The following JPH1 variants were observed in gnomAD, a reference collection of about 807,000 sequenced individuals.
JPH1 encodes junctophilin-1.
JPH1 carries 12 observed loss-of-function variants against 53.6 expected under a neutral mutation model. That is an observed-to-expected ratio of 0.22 (90% CI 0.14 to 0.36). The LOEUF (loss-of-function observed/expected upper bound fraction) is 0.36, where lower values mean the gene tolerates loss of function less well. JPH1 is among the 10% of genes least tolerant of loss of function. The pLI, the probability that JPH1 is intolerant of heterozygous loss-of-function variation, is 1.00. For synonymous variants in JPH1, 375 were observed against 363.8 expected, an observed-to-expected ratio of 1.03 and a Z score of -0.35; for missense variants, 808 against 905.5, an observed-to-expected ratio of 0.89 and a Z score of 1.38.
At chr8:74,317,158 G>A (rs1808184952) in intron 1 of JPH1, among the ~76,000 whole-genome samples, 1 of 152,176 alleles carries the variant, frequency 6.6e-6, no homozygotes, top group South Asian at 2.1e-4. Context: ...ACAATGGCTG[G>A]TTATTTCATT....
intron 2 of JPH1, among the ~76,000 whole-genome samples, chr8:74,263,160 T>C (rs1806440771): frequency 6.6e-6 from 1 of 152,218 alleles, no homozygotes; most frequent in Non-Finnish European, 1.5e-5. Context: ...CTCCTTTCAA[T>C]CTCTTATACA....
Position 74,321,074 on chromosome 8 carries a change from G to C in JPH1, c.214C>G (p.Leu72Val). 1 of 1,613,426 alleles carries C rather than the reference G, an allele frequency of 6.2e-7. No individual in the cohort carries two copies. The highest frequency in any genetic ancestry group is 8.5e-7 in the Non-Finnish European group (1 of 1,179,688). The part of the protein sequence containing the change: ...GYWAQGKRHG[L>V]GVETKGKWMY... ...CACTTGCCCTTCGTCTCCACCCCCA[G>C]CCCGTGCCGCTTGCCCTGCGCCCAG... The change falls in exon 1 of 6, where the codon CTG becomes GTG. Residue 72 changes from leucine (L) to valine (V), a missense_variant. Leu to Val is a conservative substitution (Grantham distance 32, BLOSUM62 1). This residue lies in a region of JPH1 where 756 missense variants were observed against 811.9 expected (regional missense o/e 0.93). Coordinates refer to ENST00000342232, the MANE Select transcript of JPH1 (RefSeq NM_020647.4). The surrounding 1 kb of genome is among the most constrained non-coding windows in gnomAD (Gnocchi z 4.3).
Position 74,235,210 on chromosome 8 carries a change from G to A in JPH1, c.*1841C>T, listed in dbSNP as rs764533216. The A allele has an allele frequency of 5.2e-5, 8 of 152,542 alleles. No individual in the cohort carries two copies. The highest frequency in any genetic ancestry group is 1.7e-4 in the African/African-American group (7 of 41,426). The allele number at this position is 152,542 out of a possible 1,614,324, so 9.4% of individuals were successfully genotyped here. A position where few individuals can be genotyped will look rare whatever the true frequency, so the allele number is the denominator to read the frequency against. ...GGGCAGTGAGAGTACTGAGAGTGACGCAGGAACTTTAAACATTTGTTCTCA... is the reference window on the plus strand; with the variant it reads ...GGGCAGTGAGAGTACTGAGAGTGACACAGGAACTTTAAACATTTGTTCTCA... On this transcript the variant is annotated 3_prime_UTR_variant, in exon 6 of 6. Coordinates refer to ENST00000342232, the MANE Select transcript of JPH1 (RefSeq NM_020647.4).
chr8:74,289,442 T>C (rs1807258939), intron 2 of JPH1, among the ~76,000 whole-genome samples: 1 of 152,226 alleles, frequency 6.6e-6, no homozygotes, highest in African/African-American at 2.4e-5. Flanking sequence ...GGTATTTAAA[T>C]GAAAAATGTG....
At chr8:74,292,214 A>C (rs1807349325) in intron 2 of JPH1, among the ~76,000 whole-genome samples, 1 of 152,220 alleles carries the variant, frequency 6.6e-6, no homozygotes, top group South Asian at 2.1e-4. Flanking sequence ...GTTCTGAAAA[A>C]CACAACTGAT....
chr8:74,237,215 A>G lies in JPH1; in HGVS notation c.*8T>C. On this transcript the variant is annotated 3_prime_UTR_variant, in exon 5 of 6. Coordinates refer to ENST00000342232, the MANE Select transcript of JPH1 (RefSeq NM_020647.4). ...AATTAAGGCGATTCTTACCTTTCCT[A>G]ATTCCAATCAAGTTAGAAAGTGAAC... 3.1e-6 allele frequency: 5 copies of G among 1,588,742 alleles called. No homozygotes were observed. Among genetic ancestry groups the G allele is most frequent in the Non-Finnish European group, 4.3e-6 (5 of 1,158,894 alleles).
intron 2 of JPH1, among the ~76,000 whole-genome samples, chr8:74,296,681 G>A (rs776490296): frequency 5.9e-5 from 9 of 152,054 alleles, no homozygotes; most frequent in Non-Finnish European, 1.2e-4. Flanking sequence ...AAATATATCA[G>A]CTTGCCTAAA....
chr8:74,263,123 C>T (rs1295527044), intron 2 of JPH1, among the ~76,000 whole-genome samples: 2 of 152,190 alleles, frequency 1.3e-5, no homozygotes, highest in Non-Finnish European at 2.9e-5. Context: ...TGCTAAGGTA[C>T]ACGTGGGTCC....
intron 2 of JPH1, among the ~76,000 whole-genome samples, chr8:74,259,773 C>G (rs1430158723): frequency 6.6e-6 from 1 of 152,160 alleles, no homozygotes; most frequent in Non-Finnish European, 1.5e-5. Flanking sequence ...GTGTGGTTTT[C>G]AAAACTTACT....
chr8:74,246,489 GGCT>G (rs1025359368), intron 3 of JPH1, among the ~76,000 whole-genome samples: 2 of 152,004 alleles, frequency 1.3e-5, no homozygotes, highest in Admixed American at 6.6e-5. Flanking sequence ...ATTGTAATGA[GGCT>G]GCTATTTAAT....
At position 74,296,019 on chromosome 8, in the gene JPH1, G is replaced by GACAC. The variant is rs59881666; in HGVS notation, c.1139+18838_1139+18841dup. Among the ~76,000 whole-genome samples, 420 of 136,590 alleles carry GACAC rather than the reference G, an allele frequency of 3.1e-3. 16 individuals carry two copies. Among genetic ancestry groups the GACAC allele is most frequent in the Admixed American group, 0.025 (351 of 13,868 alleles). 89.6% of individuals were successfully genotyped at this position (136,590 alleles called of 152,430 possible). A position where few individuals can be genotyped will look rare whatever the true frequency, so the allele number is the denominator to read the frequency against. On this transcript the variant is annotated intron_variant, in intron 2 of 5. Coordinates refer to ENST00000342232, the MANE Select transcript of JPH1 (RefSeq NM_020647.4). ...CCTGGTATGTAGCAATCTCAGTAAG[G>GACAC]ACACACACACACACACACACACACA...
intron 2 of JPH1, among the ~76,000 whole-genome samples, chr8:74,279,010 TAC>T (rs1361856187): frequency 2.0e-5 from 3 of 151,470 alleles, no homozygotes; most frequent in Non-Finnish European, 4.4e-5. Flanking sequence ...CACACACGCA[TAC>T]ACACACACAG....
At chr8:74,248,151 T>A (rs1457051283) in intron 3 of JPH1, among the ~76,000 whole-genome samples, 1 of 152,204 alleles carries the variant, frequency 6.6e-6, no homozygotes, top group Non-Finnish European at 1.5e-5. Context: ...AAGGCATGTC[T>A]TACATGATTA....
At chr8:74,284,599 CAAAGAAT>C (rs1586757185) in intron 2 of JPH1, among the ~76,000 whole-genome samples, 2 of 152,064 alleles carry the variant, frequency 1.3e-5, no homozygotes, top group African/African-American at 2.4e-5. Context: ...AACTTTCCTA[CAAAGAAT>C]AAAGATAATG....
At chr8:74,305,435 A>G (rs1807804861) in intron 2 of JPH1, among the ~76,000 whole-genome samples, 1 of 152,266 alleles carries the variant, frequency 6.6e-6, no homozygotes, top group Non-Finnish European at 1.5e-5. Flanking sequence ...GGGGCTTTCC[A>G]GAAAACATAG....
intron 2 of JPH1, among the ~76,000 whole-genome samples, chr8:74,272,625 A>T: frequency 8.2e-6 from 1 of 121,674 alleles, no homozygotes; most frequent in Admixed American, 9.8e-5. Context: ...TTTTTTTGAG[A>T]CGGAGTTTCG....
chr8:74,279,652 C>G (rs911820685), intron 2 of JPH1, among the ~76,000 whole-genome samples: 1 of 152,202 alleles, frequency 6.6e-6, no homozygotes, highest in Non-Finnish European at 1.5e-5. Context: ...GTGAGAAATA[C>G]CGCAATTCCA....
chr8:74,281,218 G>GT, intron 2 of JPH1, among the ~76,000 whole-genome samples: 1 of 152,204 alleles, frequency 6.6e-6, no homozygotes, highest in East Asian at 1.9e-4. Context: ...TTCAGATAAA[G>GT]AAGATTTTTA....
chr8:74,264,093 G>A (rs988770265), intron 2 of JPH1, among the ~76,000 whole-genome samples: 2 of 152,190 alleles, frequency 1.3e-5, no homozygotes, highest in Non-Finnish European at 2.9e-5. Flanking sequence ...GCAAGGCTCA[G>A]CACAGGTACA....
Sources: allele counts gnomAD v4.1 joint callset (sites outside exome capture counted in the v4.1 genomes callset), GRCh38; gene constraint gnomAD v4.1.1; regional missense constraint gnomAD v4.1.1; non-coding constraint Gnocchi (gnomAD v3.1); transcripts MANE v1.5; gene names NCBI Gene and HGNC (gene_info 2026-07-23, HGNC 2026-07-21).